Variants in SH3RF2 observed in about 807,000 individuals in gnomAD.
SH3RF2 encodes the protein E3 ubiquitin-protein ligase SH3RF2.
A neutral mutation model predicts 59.0 loss-of-function variants in SH3RF2; 43 were observed. The observed-to-expected ratio is 0.73, with a 90% CI of 0.57 to 0.94. SH3RF2 has a LOEUF of 0.94. SH3RF2 is among the 40% of genes least tolerant of loss of function. The probability of loss-of-function intolerance (pLI) is 0.00; values close to 1 mark genes in which losing one functional copy is unlikely to be tolerated. For missense variants in SH3RF2, 930 were observed against 940.1 expected, an observed-to-expected ratio of 0.99 and a Z score of 0.14; for synonymous variants, 391 against 391.5, an observed-to-expected ratio of 1.00 and a Z score of 0.01.
intron 5 of SH3RF2, among the ~76,000 whole-genome samples, chr5:146,016,388 ATGGATGGATG>A (rs1761105660): frequency 2.0e-5 from 3 of 151,950 alleles, no homozygotes; most frequent in Non-Finnish European, 4.4e-5. Flanking sequence ...GGATGGATGG[ATGGATGGATG>A]GATGGATAGA....
In SH3RF2 at chr5:145,958,511, T is replaced by G. The variant is rs78544894; in HGVS notation, c.378+20205T>G. Among the ~76,000 whole-genome samples the G allele has an allele frequency of 3.3e-3, 500 of 152,328 alleles. 1 individual carries two copies. Among genetic ancestry groups the G allele is most frequent in the Non-Finnish European group, 5.6e-3 (379 of 68,032 alleles). ...TTGGGTATTACAGCAAAGGCACTCCTAAACCAAGTTTATCACAGGTTTTCT... is the reference window on the plus strand; with the variant it reads ...TTGGGTATTACAGCAAAGGCACTCCGAAACCAAGTTTATCACAGGTTTTCT... On this transcript the variant is annotated intron_variant, in intron 2 of 9. Coordinates refer to ENST00000359120, the MANE Select transcript of SH3RF2 (RefSeq NM_152550.4).
At chr5:146,061,341 A>T (rs948778136) in intron 9 of SH3RF2, among the ~76,000 whole-genome samples, 2 of 152,228 alleles carry the variant, frequency 1.3e-5, no homozygotes, top group African/African-American at 4.8e-5. Flanking sequence ...CTATCAGCTC[A>T]TAGGGAAAGG....
chr5:146,002,518 AAGGAAGGAAGG>A lies in SH3RF2; in HGVS notation c.649-1538_649-1528del, dbSNP rs1186051112. On this transcript the variant is annotated intron_variant, in intron 3 of 9. Transcript: ENST00000359120. ...GAAGGAAGGAAGGAAGGAAGGAAGG[AAGGAAGGAAGG>A]AAGGAAGGATAACCTATAAATGCAT... Among the ~76,000 whole-genome samples the A allele has an allele frequency of 1.3e-3, 199 of 150,774 alleles. 1 individual carries two copies. The highest frequency in any genetic ancestry group is 4.6e-3 in the African/African-American group (187 of 40,866).
At chr5:145,945,888 T>G (rs1757991538) in intron 2 of SH3RF2, among the ~76,000 whole-genome samples, 1 of 152,170 alleles carries the variant, frequency 6.6e-6, no homozygotes, top group African/African-American at 2.4e-5. Flanking sequence ...AGAAGTTATC[T>G]CTACTCCAAG....
At chr5:146,009,862 AT>A (rs1760803012) in intron 4 of SH3RF2, among the ~76,000 whole-genome samples, 1 of 152,052 alleles carries the variant, frequency 6.6e-6, no homozygotes, top group Admixed American at 6.6e-5. Flanking sequence ...ATTCAATAAA[AT>A]TTTCTATCTC....
intron 4 of SH3RF2, 58 bp from the exon 5 acceptor site, chr5:146,013,689 T>G: frequency 6.3e-7 from 1 of 1,593,334 alleles, no homozygotes; most frequent in Non-Finnish European, 8.5e-7. Context: ...GGGTAGGAAC[T>G]GGCTACTCAC....
intron 2 of SH3RF2, among the ~76,000 whole-genome samples, chr5:145,967,746 G>A (rs762794976): frequency 3.9e-5 from 6 of 151,906 alleles, no homozygotes; most frequent in East Asian, 1.9e-4. Context: ...TGCAACCTCC[G>A]CCTCCCAGGT....
Position 146,013,749 on chromosome 5 carries a change from A to G in SH3RF2, c.747A>G (p.Pro249=). 1 of 1,613,726 alleles carries G rather than the reference A, an allele frequency of 6.2e-7. No individual in the cohort carries two copies. The highest frequency in any genetic ancestry group is 8.5e-7 in the Non-Finnish European group (1 of 1,179,900). Residue 249 remains proline, a splice_region_variant and synonymous_variant, in exon 5 of 10, where the codon CCA becomes CCG. Transcript: ENST00000359120. The part of the protein sequence containing the change: ...VGIFPILFVE[P]NLTARHLLEK... The stretch of plus-strand genomic sequence containing the variant: ...CATTGGACCTTTTGTCTTTTCAGCC[A>G]AACCTCACCGCAAGACACCTTTTAG...
At position 145,968,331 on chromosome 5, in the gene SH3RF2, T is replaced by C. The variant is rs73312129; in HGVS notation, c.378+30025T>C. On this transcript the variant is annotated intron_variant, in intron 2 of 9. Coordinates refer to ENST00000359120, the MANE Select transcript of SH3RF2 (RefSeq NM_152550.4). ...AATAGAGACTTAATTAAATAAACAATGATATATCTCTACGGCAGAATATTA... is the reference window on the plus strand; with the variant it reads ...AATAGAGACTTAATTAAATAAACAACGATATATCTCTACGGCAGAATATTA... Among the ~76,000 whole-genome samples the C allele has an allele frequency of 2.9e-3, 444 of 152,308 alleles. 3 individuals are homozygous for C. Among genetic ancestry groups the C allele is most frequent in the African/African-American group, 0.01 (433 of 41,580 alleles).
intron 5 of SH3RF2, among the ~76,000 whole-genome samples, chr5:146,046,398 C>G (rs1762306612): frequency 2.0e-5 from 3 of 148,816 alleles, no homozygotes; most frequent in Non-Finnish European, 4.5e-5. Flanking sequence ...AATACACAAA[C>G]AATAGTTGTA....
chr5:145,982,381 T>C (rs1043529173), intron 2 of SH3RF2, among the ~76,000 whole-genome samples: 1 of 152,236 alleles, frequency 6.6e-6, no homozygotes, highest in Non-Finnish European at 1.5e-5. Context: ...AACAGGTTTC[T>C]CAGCTTGCTT....
In SH3RF2 at chr5:146,013,875, C is replaced by T; in HGVS notation, c.873C>T (p.Ser291=). The change falls in exon 5 of 10, where the codon TCC becomes TCT. Residue 291 remains serine (S), a synonymous_variant. Coordinates refer to ENST00000359120, the MANE Select transcript of SH3RF2 (RefSeq NM_152550.4). The part of the protein sequence containing the change: ...NTSTLRRGPG[S]RRKVPGQFSI... ...CTACCCTCCGTAGGGGCCCAGGGTC[C>T]AGGAGGAAGGTGCCTGGGCAGTTTT... The T allele has an allele frequency of 6.2e-7, 1 of 1,614,170 alleles. No homozygotes were observed. Among genetic ancestry groups the T allele is most frequent in the South Asian group, 1.1e-5 (1 of 91,082 alleles).
chr5:145,958,879 G>A (rs1282286516), intron 2 of SH3RF2, among the ~76,000 whole-genome samples: 1 of 152,206 alleles, frequency 6.6e-6, no homozygotes, highest in Admixed American at 6.5e-5. Context: ...ATCATGTGTG[G>A]TGTTTTACAG....
chr5:145,956,726 T>A (rs1758423961), intron 2 of SH3RF2, among the ~76,000 whole-genome samples: 1 of 151,960 alleles, frequency 6.6e-6, no homozygotes, highest in Non-Finnish European at 1.5e-5. Flanking sequence ...AGGGGAAGGA[T>A]CAAGACCACA....
intron 5 of SH3RF2, among the ~76,000 whole-genome samples, chr5:146,021,797 T>C (rs2215010): frequency 0.33 from 50,887 of 151,948 alleles, 9,005 homozygotes; most frequent in Non-Finnish European, 0.39. Flanking sequence ...ACCATGGCAG[T>C]CTTAGACCCA....
At chr5:146,061,442 A>G (rs930719865) in intron 9 of SH3RF2, among the ~76,000 whole-genome samples, 4 of 152,184 alleles carry the variant, frequency 2.6e-5, no homozygotes, top group African/African-American at 9.7e-5. Flanking sequence ...CCAGTTGCCC[A>G]TTACTCCAAG....
intron 2 of SH3RF2, among the ~76,000 whole-genome samples, chr5:145,998,991 AAT>A: frequency 6.6e-6 from 1 of 150,870 alleles, no homozygotes; most frequent in Non-Finnish European, 1.5e-5. Context: ...CCTAAAAAAC[AAT>A]ATATCTAACT....
downstream of SH3RF2, among the ~76,000 whole-genome samples, chr5:146,064,826 AAG>A (rs1353305424): frequency 3.9e-4 from 5 of 12,834 alleles, no homozygotes; most frequent in African/African-American, 4.3e-4. Flanking sequence ...GAAAGAAAGA[AAG>A]AAAGAAAGAA....
chr5:145,984,413 A>G (rs748379838), intron 2 of SH3RF2, among the ~76,000 whole-genome samples: 9 of 152,212 alleles, frequency 5.9e-5, no homozygotes, highest in African/African-American at 1.2e-4. Flanking sequence ...ATAAAGATAC[A>G]AAAGACTCAG....
Sources: allele counts gnomAD v4.1 joint callset (sites outside exome capture counted in the v4.1 genomes callset), GRCh38; gene constraint gnomAD v4.1.1; transcripts MANE v1.5; gene names NCBI Gene and HGNC (gene_info 2026-07-23, HGNC 2026-07-21).